Variants in RARB observed in about 807,000 individuals in gnomAD.
RARB encodes retinoic acid receptor beta.
A neutral mutation model predicts 51.9 loss-of-function variants in RARB; 17 were observed. That is an observed-to-expected ratio of 0.33 (90% CI 0.22 to 0.49). The LOEUF is 0.49. RARB is among the 20% of genes least tolerant of loss of function. The pLI is 0.99. For missense variants in RARB, 369 were observed against 550.8 expected (o/e 0.67, Z 3.30); for synonymous variants, 215 against 195.4 (o/e 1.10, Z -0.84).
At chr3:24,929,582 T>A (rs1405583346) in intron 2 of RARB, among the ~76,000 whole-genome samples, 1 of 152,098 alleles carries the variant, frequency 6.6e-6, no homozygotes, top group African/African-American at 2.4e-5. Flanking sequence ...AATTGGTGAG[T>A]CTCCTTACGT....
chr3:25,343,949 T>A (rs1282793124), intron 5 of RARB, among the ~76,000 whole-genome samples: 1 of 152,138 alleles, frequency 6.6e-6, no homozygotes, highest in East Asian at 1.9e-4. Flanking sequence ...ACCCAGAAAT[T>A]ATGACAGGAA....
At chr3:25,484,252 C>T (rs1696363558) in intron 2 of RARB, among the ~76,000 whole-genome samples, 1 of 152,044 alleles carries the variant, frequency 6.6e-6, no homozygotes, top group Non-Finnish European at 1.5e-5. Flanking sequence ...TTTTTCCTAC[C>T]ACCCTTGTAA....
At chr3:25,108,318 A>C (rs1699544056) in intron 3 of RARB, among the ~76,000 whole-genome samples, 1 of 152,350 alleles carries the variant, frequency 6.6e-6, no homozygotes, top group East Asian at 1.9e-4. Context: ...CTCAGTCATA[A>C]TAGAAGTTTA....
intron 5 of RARB, among the ~76,000 whole-genome samples, chr3:25,313,725 A>G (rs1335654687): frequency 6.6e-6 from 1 of 152,186 alleles, no homozygotes; most frequent in Admixed American, 6.6e-5. Flanking sequence ...TCATAATACA[A>G]AATTATACAT....
chr3:25,348,402 T>G (rs1411577378), intron 5 of RARB, among the ~76,000 whole-genome samples: 1 of 122,684 alleles, frequency 8.2e-6, no homozygotes, highest in Non-Finnish European at 1.8e-5. Context: ...CGGAAGAGAT[T>G]ATAAAAGTGT....
At chr3:25,026,671 G>A (rs6806291) in intron 2 of RARB, among the ~76,000 whole-genome samples, 67,974 of 152,004 alleles carry the variant, frequency 0.45, 15,661 homozygotes, top group East Asian at 0.66. Flanking sequence ...AATTTTGGAT[G>A]GAACACAATT....
intron 5 of RARB, among the ~76,000 whole-genome samples, chr3:25,334,928 T>A (rs149884580): frequency 6.6e-6 from 1 of 152,322 alleles, no homozygotes; most frequent in Non-Finnish European, 1.5e-5. Context: ...TTTTTTCAGA[T>A]CAGTGTGAGT....
intron 3 of RARB, among the ~76,000 whole-genome samples, chr3:25,062,101 T>C (rs1179281085): frequency 6.6e-6 from 1 of 151,830 alleles, no homozygotes; most frequent in Non-Finnish European, 1.5e-5. Flanking sequence ...AGCTGAAGCA[T>C]TTTTGTAAAT....
chr3:25,539,237 C>T (rs1365708686), intron 3 of RARB, among the ~76,000 whole-genome samples: 3 of 152,214 alleles, frequency 2.0e-5, no homozygotes, highest in Non-Finnish European at 4.4e-5. Flanking sequence ...GCAGACACAT[C>T]AGTTACCATG....
chr3:25,507,521 A>G (rs71313303), intron 3 of RARB, among the ~76,000 whole-genome samples: 4,825 of 152,254 alleles, frequency 0.032, 82 homozygotes, highest in Non-Finnish European at 0.047. Context: ...CAGTGTTTCC[A>G]TAAGCTGCTT....
chr3:25,203,731 C>T (rs998201347), intron 5 of RARB, among the ~76,000 whole-genome samples: 3 of 152,164 alleles, frequency 2.0e-5, no homozygotes, highest in African/African-American at 7.2e-5. Flanking sequence ...ATTGAAAATT[C>T]TTTTCTTTAA....
chr3:25,265,945 C>T (rs1703115145), intron 5 of RARB, among the ~76,000 whole-genome samples: 1 of 152,050 alleles, frequency 6.6e-6, no homozygotes, highest in South Asian at 2.1e-4. Context: ...GGCTCATGGC[C>T]CCAATTCCTT....
chr3:25,049,044 G>A (rs942987833), intron 2 of RARB, among the ~76,000 whole-genome samples: 5 of 152,094 alleles, frequency 3.3e-5, no homozygotes, highest in African/African-American at 4.8e-5. Context: ...GAGCCACCGC[G>A]CCCAGCTCCA....
intron 5 of RARB, among the ~76,000 whole-genome samples, chr3:25,234,394 C>A (rs976293618): frequency 6.6e-6 from 1 of 152,096 alleles, no homozygotes; most frequent in African/African-American, 2.4e-5. Context: ...TAGTAAGTTG[C>A]ATCTCCTCTC....
chr3:25,097,042 T>A (rs189937416), intron 3 of RARB, among the ~76,000 whole-genome samples: 72 of 152,260 alleles, frequency 4.7e-4, no homozygotes, highest in Admixed American at 1.0e-3. Context: ...GCTTTATAGG[T>A]TATTCCTTTT....
intron 3 of RARB, among the ~76,000 whole-genome samples, chr3:25,072,928 G>C (rs1698799482): frequency 6.6e-6 from 1 of 151,916 alleles, no homozygotes; most frequent in Non-Finnish European, 1.5e-5. Context: ...TCGATCTCCT[G>C]ACCTGATGAT....
chr3:25,349,674 T>C (rs551909742), intron 5 of RARB, among the ~76,000 whole-genome samples: 1 of 152,134 alleles, frequency 6.6e-6, no homozygotes, highest in Admixed American at 6.6e-5. Flanking sequence ...CAAAAAAAAA[T>C]TTAAACCAAA....
intron 5 of RARB, among the ~76,000 whole-genome samples, chr3:25,334,427 G>C (rs913626430): frequency 6.6e-6 from 1 of 152,126 alleles, no homozygotes; most frequent in East Asian, 1.9e-4. Context: ...ACTATTGCAA[G>C]GACAGAAAAG....
At chr3:24,851,730 T>C (rs1482356553) in intron 1 of RARB, among the ~76,000 whole-genome samples, 2 of 152,226 alleles carry the variant, frequency 1.3e-5, no homozygotes, top group Admixed American at 1.3e-4. Flanking sequence ...ATGAAGTATG[T>C]TTCATTTGAG....
Sources: gnomAD v4.1 joint callset for allele counts (sites outside exome capture counted in the v4.1 genomes callset) on GRCh38, gnomAD v4.1.1 for gene constraint, MANE v1.5 for transcripts, NCBI Gene and HGNC (gene_info 2026-07-23, HGNC 2026-07-21) for gene names.